CLMN: variants seen among roughly 807,000 people sequenced by gnomAD.
CLMN encodes calmin.
CLMN carries 57 observed loss-of-function variants against 92.7 expected under a neutral mutation model. That is an observed-to-expected ratio of 0.61 (90% confidence interval 0.50 to 0.77). CLMN has a LOEUF of 0.77. Among genes scored for constraint, CLMN ranks in the 30% least tolerant of loss-of-function variants. The pLI, the probability that CLMN is intolerant of heterozygous loss-of-function variation, is 0.00. For missense variants in CLMN, 1,158 were observed against 1,237.5 expected (o/e 0.94, Z 0.96); for synonymous variants, 466 against 470.6 (o/e 0.99, Z 0.13).
intron 1 of CLMN, among the ~76,000 whole-genome samples, chr14:95,238,529 T>C (rs1265099443): frequency 6.6e-6 from 1 of 152,204 alleles, no homozygotes; most frequent in Non-Finnish European, 1.5e-5. Flanking sequence ...ACTTTGGTAA[T>C]AAAATGCAAA....
intron 1 of CLMN, among the ~76,000 whole-genome samples, chr14:95,302,746 AC>A (rs1010112870): frequency 3.9e-5 from 6 of 152,222 alleles, no homozygotes; most frequent in African/African-American, 1.4e-4. Context: ...TGTTCAAGTG[AC>A]ATTACAGATA....
intron 8 of CLMN, among the ~76,000 whole-genome samples, chr14:95,207,586 C>A (rs1481261694): frequency 6.6e-6 from 1 of 152,194 alleles, no homozygotes. Context: ...CTTCACATAG[C>A]CCTGAAATGT....
At chr14:95,217,946 C>G (rs1344898633) in intron 4 of CLMN, among the ~76,000 whole-genome samples, 1 of 152,178 alleles carries the variant, frequency 6.6e-6, no homozygotes. Flanking sequence ...GCAGGTGGTC[C>G]GAGGCCCCAA....
At chr14:95,248,745 C>T (rs1255753353) in intron 1 of CLMN, among the ~76,000 whole-genome samples, 1 of 152,148 alleles carries the variant, frequency 6.6e-6, no homozygotes, top group East Asian at 1.9e-4. Flanking sequence ...ATCCTGTCTT[C>T]AAAGTCTAAA....
rs373571746 is a variant in CLMN, at chr14:95,203,811, T to C, written c.1538A>G (p.Glu513Gly). 13 of 1,614,090 alleles carry C rather than the reference T, an allele frequency of 8.1e-6. No individual in the cohort carries two copies. Among genetic ancestry groups the C allele is most frequent in the Non-Finnish European group, 1.1e-5 (13 of 1,180,054 alleles). The change falls in exon 9 of 13, where the codon GAG (glutamate) becomes GGG (glycine). Residue 513 changes from glutamate to glycine, a missense_variant. Coordinates refer to ENST00000298912, the MANE Select transcript of CLMN (RefSeq NM_024734.4). The stretch of plus-strand genomic sequence containing the variant: ...TTCTTCATCGTGGCGGGCTGTACTC[T>C]CTAAAGCACCATTACAGGAAGAAGA... ...SQSSSCNGAL[E>G]STARHDEESH...
At chr14:95,245,155 GGAAC>G (rs1339155357) in intron 1 of CLMN, among the ~76,000 whole-genome samples, 2 of 74,838 alleles carry the variant, frequency 2.7e-5, no homozygotes, top group Middle Eastern at 0.01. Context: ...AAGTGAAAAA[GGAAC>G]TGTAACTGGT....
At chr14:95,313,620 G>T (rs1369716504) in intron 1 of CLMN, among the ~76,000 whole-genome samples, 1 of 147,430 alleles carries the variant, frequency 6.8e-6, no homozygotes, top group African/African-American at 2.5e-5. Context: ...TGTGACTAAC[G>T]CAATCTACCA....
At position 95,216,712 on chromosome 14, in the gene CLMN, T is replaced by G. The variant is rs1345357729; in HGVS notation, c.325-979A>C. Among the ~76,000 whole-genome samples, 5 of 152,344 alleles carry G rather than the reference T, an allele frequency of 3.3e-5. 1 individual carries two copies. The South Asian group carries it at 8.3e-4, about 25-fold the overall frequency. ...AAGATCCCACTGATTAGTTAAAATG[T>G]GCCTCTTGTAGAAACCCTCAGGGTC... On this transcript the variant is annotated intron_variant, in intron 4 of 12. Coordinates refer to ENST00000298912, the MANE Select transcript of CLMN (RefSeq NM_024734.4).
At chr14:95,208,531 A>C (rs1897108149) in intron 8 of CLMN, among the ~76,000 whole-genome samples, 1 of 152,240 alleles carries the variant, frequency 6.6e-6, no homozygotes. Flanking sequence ...ATGCTAACAT[A>C]TTCCATCTGA....
At chr14:95,224,837 C>T (rs1897662625) in intron 2 of CLMN, among the ~76,000 whole-genome samples, 2 of 152,234 alleles carry the variant, frequency 1.3e-5, no homozygotes, top group South Asian at 2.1e-4. Flanking sequence ...CTGAGGTGCC[C>T]GTCATTGCTT....
chr14:95,278,946 C>T (rs1209876174), intron 1 of CLMN, among the ~76,000 whole-genome samples: 1 of 152,074 alleles, frequency 6.6e-6, no homozygotes, highest in African/African-American at 2.4e-5. Flanking sequence ...CTTTCCTGGC[C>T]CTGTTCCTTG....
At chr14:95,234,141 C>T (rs1042298765) in intron 1 of CLMN, among the ~76,000 whole-genome samples, 1 of 152,190 alleles carries the variant, frequency 6.6e-6, no homozygotes, top group African/African-American at 2.4e-5. Context: ...TTCAAAACAC[C>T]TTTGCCTTGG....
intron 5 of CLMN, among the ~76,000 whole-genome samples, chr14:95,214,822 T>C (rs1161169396): frequency 1.3e-5 from 2 of 152,142 alleles, no homozygotes; most frequent in South Asian, 2.1e-4. Context: ...TTCTCTGAAA[T>C]GCAGGCATTG....
intron 1 of CLMN, among the ~76,000 whole-genome samples, chr14:95,306,835 A>C (rs952180344): frequency 1.3e-5 from 2 of 152,226 alleles, no homozygotes; most frequent in African/African-American, 4.8e-5. Flanking sequence ...GAGAGGAGGC[A>C]GATTTGAGGT....
chr14:95,201,218 T>TG (rs1003818808), intron 9 of CLMN, among the ~76,000 whole-genome samples: 6 of 151,880 alleles, frequency 4.0e-5, no homozygotes, highest in East Asian at 1.9e-4. Context: ...ATTTTAGATT[T>TG]GGGGGGTTCA....
chr14:95,207,709 A>T (rs532633652), intron 8 of CLMN, among the ~76,000 whole-genome samples: 2 of 152,334 alleles, frequency 1.3e-5, no homozygotes, highest in South Asian at 2.1e-4. Context: ...CCAAGTGGAG[A>T]ACTGGCATTC....
intron 1 of CLMN, among the ~76,000 whole-genome samples, chr14:95,244,021 TC>T (rs1239297539): frequency 6.6e-6 from 1 of 152,058 alleles, no homozygotes; most frequent in East Asian, 1.9e-4. Context: ...TGTAGCACCT[TC>T]CCCCTCTCTC....
intron 1 of CLMN, among the ~76,000 whole-genome samples, chr14:95,299,225 G>A (rs1335817170): frequency 6.6e-6 from 1 of 152,000 alleles, no homozygotes; most frequent in Non-Finnish European, 1.5e-5. Flanking sequence ...CACCACTGCC[G>A]CAGGCCCTTT....
chr14:95,274,474 G>A (rs1034694853), intron 1 of CLMN, among the ~76,000 whole-genome samples: 2 of 152,082 alleles, frequency 1.3e-5, no homozygotes, highest in Admixed American at 6.5e-5. Flanking sequence ...AACAGCCCTG[G>A]AGAGCTGTGG....
Sources: allele counts gnomAD v4.1 joint callset (sites outside exome capture counted in the v4.1 genomes callset), GRCh38; gene constraint gnomAD v4.1.1; transcripts MANE v1.5; gene names NCBI Gene and HGNC (gene_info 2026-07-23, HGNC 2026-07-21).